The following RAPGEF1 variants were observed in gnomAD, a reference collection of about 807,000 sequenced individuals.
RAPGEF1 encodes Rap guanine nucleotide exchange factor 1, also known as CRK SH3-binding GNRP.
Under a neutral mutation model 143.3 loss-of-function variants are expected in RAPGEF1, and 33 were observed. The ratio of observed to expected loss-of-function variants is 0.23; its 90% CI spans 0.17 to 0.31. RAPGEF1 has a LOEUF of 0.31. Among genes scored for constraint, RAPGEF1 ranks in the 10% least tolerant of loss-of-function variants. RAPGEF1 has a pLI of 1.00. For synonymous variants in RAPGEF1, 629 were observed against 676.5 expected (o/e 0.93, Z 1.09); for missense variants, 1,199 against 1,645.4 (o/e 0.73, Z 4.69).
rs1197255514 is a variant in RAPGEF1 at position 131,711,052 on chromosome 9, CT to C, written c.61+28717del. ...CAGGAGGTCCCTGGTGAATATTTAA[CT>C]TTTTTTTTTTTTTTGGAGTCAGGGT... On this transcript the variant is annotated intron_variant, in intron 1 of 26. Coordinates refer to ENST00000683357, the MANE Select transcript of RAPGEF1 (RefSeq NM_001377935.1). Among the ~76,000 whole-genome samples the C allele has an allele frequency of 4.0e-3, 567 of 143,366 alleles. 1 individual carries two copies. Among genetic ancestry groups the C allele is most frequent in the Admixed American group, 5.4e-3 (77 of 14,332 alleles). 94.1% of individuals were successfully genotyped at this position (143,366 alleles called of 152,430 possible).
At chr9:131,669,265 T>C (rs1830958760) in intron 1 of RAPGEF1, among the ~76,000 whole-genome samples, 1 of 152,180 alleles carries the variant, frequency 6.6e-6, no homozygotes, top group Admixed American at 6.5e-5. Context: ...TACATTCATG[T>C]ATTTATCTCC....
chr9:131,706,492 A>C (rs1835072736), intron 1 of RAPGEF1, among the ~76,000 whole-genome samples: 1 of 150,572 alleles, frequency 6.6e-6, no homozygotes, highest in Non-Finnish European at 1.5e-5. Flanking sequence ...TTGGTTTCGA[A>C]CTCCTGAACT....
rs539742373 is a variant in RAPGEF1, at chr9:131,582,646, C to T, written c.3471G>A (p.Arg1157=). Residue 1157 remains arginine, a synonymous_variant, in exon 25 of 27, where the codon CGG becomes CGA. Coordinates refer to ENST00000683357, the MANE Select transcript of RAPGEF1 (RefSeq NM_001377935.1). ...IDSSSSFRAY[R]AALSEVEPPC... The stretch of plus-strand genomic sequence containing the variant: ...GCGGTTCCACCTCCGAGAGGGCGGC[C>T]CGGTAGGCTCGGAAGGAGGACGAGC... 1 of 1,535,932 alleles carries T rather than the reference C, an allele frequency of 6.5e-7. No individual in the cohort carries two copies. Among genetic ancestry groups the T allele is most frequent in the East Asian group, 2.6e-5 (1 of 38,030 alleles).
intron 1 of RAPGEF1, among the ~76,000 whole-genome samples, chr9:131,660,657 G>C (rs1973811812): frequency 6.6e-6 from 1 of 152,192 alleles, no homozygotes; most frequent in South Asian, 2.1e-4. Flanking sequence ...CAGACTCCTA[G>C]GGATGGACGG....
intron 1 of RAPGEF1, among the ~76,000 whole-genome samples, chr9:131,653,540 A>G (rs1306400622): frequency 6.6e-6 from 1 of 152,256 alleles, no homozygotes; most frequent in African/African-American, 2.4e-5. Flanking sequence ...CAAATTGGCA[A>G]TAAGCACATG....
rs530450459 is a variant in RAPGEF1, at chr9:131,688,708, G to C, written c.62-37759C>G. Reference sequence around the variant, plus strand: ...ACACTTTGGGAGGCCAGGAGTTCGTGACCAGCCTGGGCAACATGGCGAAAT... The same window carrying C: ...ACACTTTGGGAGGCCAGGAGTTCGTCACCAGCCTGGGCAACATGGCGAAAT... On this transcript the variant is annotated intron_variant, in intron 1 of 26. Transcript: ENST00000683357. Among the ~76,000 whole-genome samples, 3 of 152,204 alleles carry C rather than the reference G, an allele frequency of 2.0e-5. No individual in the cohort carries two copies. In the South Asian group the frequency reaches 6.2e-4, roughly 32 times the overall value.
chr9:131,645,796 T>C (rs1177433741), intron 3 of RAPGEF1, among the ~76,000 whole-genome samples: 2 of 152,228 alleles, frequency 1.3e-5, no homozygotes, highest in Non-Finnish European at 2.9e-5. Flanking sequence ...ATTGCCATCA[T>C]TGGTCCACAT....
chr9:131,693,651 T>C (rs1833933340), intron 1 of RAPGEF1, among the ~76,000 whole-genome samples: 1 of 152,192 alleles, frequency 6.6e-6, no homozygotes, highest in South Asian at 2.1e-4. Flanking sequence ...CTCAATTCTA[T>C]TCAAGTGTTT....
intron 17 of RAPGEF1, among the ~76,000 whole-genome samples, chr9:131,592,683 G>A (rs777453609): frequency 1.3e-5 from 2 of 152,120 alleles, no homozygotes; most frequent in Admixed American, 6.5e-5. Context: ...AAAGAAAATC[G>A]TCTGTTCAAA....
At chr9:131,607,852 G>A (rs1957359376) in intron 12 of RAPGEF1, among the ~76,000 whole-genome samples, 1 of 152,158 alleles carries the variant, frequency 6.6e-6, no homozygotes, top group African/African-American at 2.4e-5. Context: ...CAATAACTGA[G>A]CACCTGATTT....
intron 1 of RAPGEF1, among the ~76,000 whole-genome samples, chr9:131,687,474 C>T (rs1421850953): frequency 1.3e-5 from 2 of 150,700 alleles, no homozygotes; most frequent in Non-Finnish European, 2.9e-5. Context: ...AGATTACAGG[C>T]GTGAGCCATC....
At chr9:131,696,441 AT>A (rs1834186110) in intron 1 of RAPGEF1, among the ~76,000 whole-genome samples, 1 of 152,232 alleles carries the variant, frequency 6.6e-6, no homozygotes, top group Admixed American at 6.5e-5. Flanking sequence ...AGCTTAAAAT[AT>A]TTACTATATG....
At chr9:131,724,244 T>C (rs186007247) in intron 1 of RAPGEF1, among the ~76,000 whole-genome samples, 233 of 152,316 alleles carry the variant, frequency 1.5e-3, no homozygotes, top group Non-Finnish European at 2.9e-3. Flanking sequence ...TCAGACATGC[T>C]TTCAGGAAGG....
In RAPGEF1 at chr9:131,628,227, G is replaced by T; in HGVS notation, c.1018-131C>A. The T allele has an allele frequency of 1.1e-6, 1 of 887,428 alleles. No homozygotes were observed. The highest frequency in any genetic ancestry group is 1.7e-6 in the Non-Finnish European group (1 of 600,118). The allele number at this position is 887,428 out of a possible 1,614,324, so 55.0% of individuals were successfully genotyped here. ...GGCGAACTCAGAAACCACCTCTGACGTCAGTAGTCGAAGGACACATACAGC... is the reference window on the plus strand; with the variant it reads ...GGCGAACTCAGAAACCACCTCTGACTTCAGTAGTCGAAGGACACATACAGC... On this transcript the variant is annotated intron_variant, in intron 8 of 26. Transcript: ENST00000683357. The surrounding 1 kb of genome is among the most constrained non-coding windows in gnomAD (Gnocchi z 5.7).
intron 12 of RAPGEF1, among the ~76,000 whole-genome samples, chr9:131,608,413 C>T (rs1268635146): frequency 1.3e-5 from 2 of 152,196 alleles, no homozygotes; most frequent in Admixed American, 6.5e-5. Flanking sequence ...TTACCTGACT[C>T]ACAGAAGCGT....
chr9:131,699,749 G>T (rs1226386511), intron 1 of RAPGEF1, among the ~76,000 whole-genome samples: 1 of 152,094 alleles, frequency 6.6e-6, no homozygotes, highest in East Asian at 1.9e-4. Flanking sequence ...GGTCTTTCGA[G>T]GTTTCTGCTG....
rs187665352 is a variant in RAPGEF1, at chr9:131,683,856, C to A, written c.62-32907G>T. Among the ~76,000 whole-genome samples the A allele has an allele frequency of 2.6e-3, 396 of 152,324 alleles. 1 individual carries two copies. The highest frequency in any genetic ancestry group is 8.8e-3 in the African/African-American group (366 of 41,558). ...AATTGAAAATGCTCAGTTATGATTT[C>A]ATACAGATGAACAACTGATGACTTT... On this transcript the variant is annotated intron_variant, in intron 1 of 26. Transcript: ENST00000683357.
chr9:131,584,722 C>A lies in RAPGEF1; in HGVS notation c.3234-126G>T. The A allele has an allele frequency of 1.3e-6, 1 of 787,528 alleles. No homozygotes were observed. The highest frequency in any genetic ancestry group is 2.6e-5 in the East Asian group (1 of 39,026). 48.8% of individuals were successfully genotyped at this position (787,528 alleles called of 1,614,324 possible). A position where few individuals can be genotyped will look rare whatever the true frequency, so the allele number is the denominator to read the frequency against. ...GCCACGAGCCCACCCCTACTGAATA[C>A]CTGCAGCCTGCCCCAGGCATAGATC... On this transcript the variant is annotated intron_variant, in intron 22 of 26. Transcript: ENST00000683357. This position sits in a 1 kb window ranked among gnomAD's most constrained non-coding sequence, Gnocchi z 6.8.
At chr9:131,649,909 C>T (rs1970656993) in intron 3 of RAPGEF1, among the ~76,000 whole-genome samples, 1 of 152,218 alleles carries the variant, frequency 6.6e-6, no homozygotes, top group Admixed American at 6.5e-5. Flanking sequence ...AATCCCTAAG[C>T]TTTTGCCACA....
Sources: allele counts gnomAD v4.1 joint callset (sites outside exome capture counted in the v4.1 genomes callset), GRCh38; gene constraint gnomAD v4.1.1; non-coding constraint Gnocchi (gnomAD v3.1); transcripts MANE v1.5; gene names NCBI Gene and HGNC (gene_info 2026-07-23, HGNC 2026-07-21).